The following FNIP2 variants were observed in gnomAD, a reference collection of about 807,000 sequenced individuals.
The protein encoded by FNIP2 is folliculin interacting protein 2.
A neutral mutation model predicts 108.7 loss-of-function variants in FNIP2; 32 were observed. That is an observed-to-expected ratio of 0.29 (90% CI 0.22 to 0.40). The LOEUF is 0.40. Among genes scored for constraint, FNIP2 ranks in the 10% least tolerant of loss-of-function variants. The pLI is 1.00. For synonymous variants in FNIP2, 480 were observed against 496.7 expected (o/e 0.97, Z 0.45); for missense variants, 1,202 against 1,381.6 (o/e 0.87, Z 2.06).
chr4:158,893,480 A>G, intron 15 of FNIP2: 1 of 508,102 alleles, frequency 2.0e-6, no homozygotes, highest in Non-Finnish European at 3.6e-6. Flanking sequence ...TATGATAGTC[A>G]ATAACAATTA....
chr4:158,816,721 G>T (rs929298393), intron 1 of FNIP2, among the ~76,000 whole-genome samples: 14 of 151,256 alleles, frequency 9.3e-5, no homozygotes, highest in Non-Finnish European at 1.5e-4. Flanking sequence ...GGAGGTGGAG[G>T]TTGCAGTGAG....
At position 158,861,186 on chromosome 4, in the gene FNIP2, C is replaced by T. The variant is rs559766572; in HGVS notation, c.1149-156C>T. Among the ~76,000 whole-genome samples, 99 of 152,334 alleles carry T rather than the reference C, an allele frequency of 6.5e-4. 1 individual carries two copies. Among genetic ancestry groups the T allele is most frequent in the Non-Finnish European group, 1.1e-3 (77 of 68,032 alleles). On this transcript the variant is annotated intron_variant, in intron 10 of 16. Transcript: ENST00000264433. Reference sequence around the variant, plus strand: ...AAAAAGGTGGCAGTCAGATTTGGCCCGTGGGCCATAGTGTGCAACCCCTGT... The same window carrying T: ...AAAAAGGTGGCAGTCAGATTTGGCCTGTGGGCCATAGTGTGCAACCCCTGT...
chr4:158,865,435 G>T (rs1780524991), intron 12 of FNIP2, among the ~76,000 whole-genome samples: 1 of 152,030 alleles, frequency 6.6e-6, no homozygotes, highest in Non-Finnish European at 1.5e-5. Flanking sequence ...AATAGCACTG[G>T]TTCCACTCAC....
At chr4:158,772,063 T>C (rs1775715536) in intron 1 of FNIP2, among the ~76,000 whole-genome samples, 1 of 152,238 alleles carries the variant, frequency 6.6e-6, no homozygotes, top group Non-Finnish European at 1.5e-5. Flanking sequence ...CTGGAGTATT[T>C]CCTTTAGGAT....
chr4:158,905,724 T>C lies in FNIP2; in HGVS notation c.*1180T>C, dbSNP rs1729780477. The C allele has an allele frequency of 6.6e-6, 1 of 150,942 alleles. No individual in the cohort carries two copies. The highest frequency in any genetic ancestry group is 2.1e-4 in the South Asian group (1 of 4,804). The allele number at this position is 150,942 out of a possible 1,614,324, so 9.4% of individuals were successfully genotyped here. A position where few individuals can be genotyped will look rare whatever the true frequency, so the allele number is the denominator to read the frequency against. ...AAAAAAAAAAAACAACCTAATTTTC[T>C]GTTAATATAAAAGAAACTTCAGTTT... On this transcript the variant is annotated 3_prime_UTR_variant, in exon 17 of 17. Coordinates refer to ENST00000264433, the MANE Select transcript of FNIP2 (RefSeq NM_020840.3).
intron 12 of FNIP2, among the ~76,000 whole-genome samples, chr4:158,862,856 AT>A (rs1780372144): frequency 6.6e-6 from 1 of 152,234 alleles, no homozygotes; most frequent in Non-Finnish European, 1.5e-5. Context: ...GGGGCTGGAT[AT>A]TAAGGAAACA....
chr4:158,822,670 A>T (rs1437320083), intron 1 of FNIP2, among the ~76,000 whole-genome samples: 3 of 152,150 alleles, frequency 2.0e-5, no homozygotes, highest in Middle Eastern at 3.4e-3. Context: ...GCTAATTTTT[A>T]AAAAATTTTA....
chr4:158,803,994 A>G (rs947645378), intron 1 of FNIP2, among the ~76,000 whole-genome samples: 14 of 152,334 alleles, frequency 9.2e-5, no homozygotes, highest in Non-Finnish European at 2.1e-4. Context: ...GCTGGAGTGC[A>G]GTGGCACGAT....
intron 1 of FNIP2, among the ~76,000 whole-genome samples, chr4:158,769,819 A>C (rs2126388648): frequency 6.6e-6 from 1 of 152,302 alleles, no homozygotes; most frequent in Admixed American, 6.5e-5. Context: ...CAAACGGATG[A>C]ATGAAAGTAT....
intron 7 of FNIP2, 191 bp downstream of exon 7, chr4:158,835,667 C>T (rs1204517661): frequency 2.6e-6 from 1 of 386,986 alleles, no homozygotes; most frequent in African/African-American, 2.1e-5. Context: ...GCAACATAAA[C>T]TAGTTTTTTC....
chr4:158,851,317 A>G lies in FNIP2; in HGVS notation c.728-4A>G, dbSNP rs761736101. 1.2e-6 allele frequency: 2 copies of G among 1,613,878 alleles called. No individual in the cohort carries two copies. The highest frequency in any genetic ancestry group is 8.5e-7 in the Non-Finnish European group (1 of 1,179,828). ...AACTTTCAAATTCCAAATTCTTCCTACAGCCTCACTAAGCAGTCTTTTGAT... is the reference window on the plus strand; with the variant it reads ...AACTTTCAAATTCCAAATTCTTCCTGCAGCCTCACTAAGCAGTCTTTTGAT... On this transcript the variant is annotated splice_region_variant and splice_polypyrimidine_tract_variant and intron_variant, in intron 7 of 16. Coordinates refer to ENST00000264433, the MANE Select transcript of FNIP2 (RefSeq NM_020840.3).
At chr4:158,800,331 C>T (rs1776720040) in intron 1 of FNIP2, among the ~76,000 whole-genome samples, 1 of 152,130 alleles carries the variant, frequency 6.6e-6, no homozygotes, top group African/African-American at 2.4e-5. Context: ...TGTTTAGATA[C>T]TTTAAGAGGG....
At chr4:158,833,197 G>T (rs1474935258) in intron 5 of FNIP2, among the ~76,000 whole-genome samples, 2 of 152,150 alleles carry the variant, frequency 1.3e-5, no homozygotes, top group East Asian at 1.9e-4. Context: ...AAAGCAAAAT[G>T]TAGAAATGAA....
At chr4:158,858,611 C>G (rs1232123677) in intron 8 of FNIP2, among the ~76,000 whole-genome samples, 1 of 152,012 alleles carries the variant, frequency 6.6e-6, no homozygotes, top group Non-Finnish European at 1.5e-5. Flanking sequence ...GTTTTAATAG[C>G]CCTGGGAAAG....
At chr4:158,808,027 C>T (rs1777066867) in intron 1 of FNIP2, among the ~76,000 whole-genome samples, 1 of 152,130 alleles carries the variant, frequency 6.6e-6, no homozygotes, top group African/African-American at 2.4e-5. Context: ...GAATCTTGAT[C>T]CCTAGCTCTG....
intron 15 of FNIP2, chr4:158,893,622 T>G: frequency 1.6e-6 from 2 of 1,263,830 alleles, no homozygotes; most frequent in Non-Finnish European, 2.3e-6. Flanking sequence ...CACTTGTGGA[T>G]TATTATGATC....
At chr4:158,896,309 C>T (rs976372296) in intron 16 of FNIP2, among the ~76,000 whole-genome samples, 3 of 152,110 alleles carry the variant, frequency 2.0e-5, no homozygotes, top group Non-Finnish European at 2.9e-5. Context: ...AGCCTGCCTG[C>T]GTGTCTGTGG....
At chr4:158,890,227 A>G in intron 14 of FNIP2, 1 of 985,252 alleles carries the variant, frequency 1.0e-6, no homozygotes, top group Non-Finnish European at 1.2e-6. Context: ...TTTCAATGGG[A>G]AAAATATAAA....
At chr4:158,892,889 A>G (rs966676241) in intron 15 of FNIP2, among the ~76,000 whole-genome samples, 1 of 152,228 alleles carries the variant, frequency 6.6e-6, no homozygotes, top group African/African-American at 2.4e-5. Flanking sequence ...TGCTAATGTA[A>G]TGGTCATTGT....
Sources: gnomAD v4.1 joint callset for allele counts (sites outside exome capture counted in the v4.1 genomes callset) on GRCh38, gnomAD v4.1.1 for gene constraint, MANE v1.5 for transcripts, NCBI Gene and HGNC (gene_info 2026-07-23, HGNC 2026-07-21) for gene names.